Variants in RPH3A observed in about 807,000 individuals in gnomAD.
RPH3A encodes the protein rabphilin-3A.
A neutral mutation model predicts 102.2 loss-of-function variants in RPH3A; 48 were observed. That is an observed-to-expected ratio of 0.47 (90% CI 0.37 to 0.60). The LOEUF is 0.60. RPH3A is among the 20% of genes least tolerant of loss of function. The pLI, the probability that RPH3A is intolerant of heterozygous loss-of-function variation, is 0.00. For missense variants in RPH3A, 781 were observed against 910.1 expected, an observed-to-expected ratio of 0.86 and a Z score of 1.83; for synonymous variants, 310 against 324.3, an observed-to-expected ratio of 0.96 and a Z score of 0.47.
At chr12:112,865,298 C>A in intron 5 of RPH3A, 116 bp from the exon 6 acceptor site, 1 of 1,235,194 alleles carries the variant, frequency 8.1e-7, no homozygotes, top group Non-Finnish European at 1.1e-6. Context: ...CAACTGTCAT[C>A]AGACGCACAA....
intron 1 of RPH3A, among the ~76,000 whole-genome samples, chr12:112,744,164 C>T (rs1326997803): frequency 6.6e-6 from 1 of 152,100 alleles, no homozygotes; most frequent in Non-Finnish European, 1.5e-5. Flanking sequence ...AAACCTCTGT[C>T]TCCCAGGTTC....
intron 2 of RPH3A, among the ~76,000 whole-genome samples, chr12:112,795,792 G>A (rs1364480376): frequency 6.6e-6 from 1 of 152,184 alleles, no homozygotes; most frequent in East Asian, 1.9e-4. Flanking sequence ...TACAAAATGG[G>A]AATAAGAATG....
chr12:112,869,419 G>A (rs565251606), intron 8 of RPH3A: 17 of 238,502 alleles, frequency 7.1e-5, no homozygotes, highest in African/African-American at 3.6e-4. Flanking sequence ...ACTCCTTGCA[G>A]AGAATCACCA....
At chr12:112,768,047 A>G (rs1357432036) in intron 1 of RPH3A, among the ~76,000 whole-genome samples, 3 of 152,308 alleles carry the variant, frequency 2.0e-5, no homozygotes, top group East Asian at 1.9e-4. Context: ...TAACGGTTGT[A>G]CAATCTTGTA....
chr12:112,819,454 T>C (rs2041738629), intron 2 of RPH3A, among the ~76,000 whole-genome samples: 1 of 152,100 alleles, frequency 6.6e-6, no homozygotes, highest in Admixed American at 6.6e-5. Flanking sequence ...AAAACTTGCT[T>C]AGAGTCATGC....
intron 2 of RPH3A, among the ~76,000 whole-genome samples, chr12:112,821,104 A>C (rs1318752885): frequency 6.6e-6 from 1 of 152,174 alleles, no homozygotes; most frequent in East Asian, 1.9e-4. Flanking sequence ...CTGGATGTGT[A>C]AGGGCTGCTG....
intron 1 of RPH3A, among the ~76,000 whole-genome samples, chr12:112,738,955 G>A (rs2040688300): frequency 6.6e-6 from 1 of 152,170 alleles, no homozygotes; most frequent in African/African-American, 2.4e-5. Flanking sequence ...TAGGGTCGCA[G>A]TATGAGGTAG....
intron 1 of RPH3A, among the ~76,000 whole-genome samples, chr12:112,607,140 T>C (rs1247303627): frequency 2.0e-5 from 3 of 152,176 alleles, no homozygotes; most frequent in Admixed American, 2.0e-4. Context: ...TGCACCAAGA[T>C]CCCAGCTTGC....
intron 1 of RPH3A, among the ~76,000 whole-genome samples, chr12:112,700,885 C>A (rs899895445): frequency 2.6e-5 from 4 of 152,164 alleles, no homozygotes; most frequent in Non-Finnish European, 5.9e-5. Context: ...CAACCACCTT[C>A]TCTGGGCTGA....
chr12:112,877,304 T>G (rs2042819560), intron 13 of RPH3A, among the ~76,000 whole-genome samples: 1 of 152,140 alleles, frequency 6.6e-6, no homozygotes, highest in Non-Finnish European at 1.5e-5. Context: ...TTAATCATGA[T>G]TTAAAATTTA....
intron 10 of RPH3A, among the ~76,000 whole-genome samples, chr12:112,872,323 G>T (rs1043826549): frequency 6.6e-6 from 1 of 151,964 alleles, no homozygotes; most frequent in Non-Finnish European, 1.5e-5. Context: ...ATCTTTTCTT[G>T]TGCTTTTGGC....
intron 1 of RPH3A, among the ~76,000 whole-genome samples, chr12:112,586,873 A>T (rs1358437156): frequency 6.6e-6 from 1 of 152,216 alleles, no homozygotes; most frequent in East Asian, 1.9e-4. Context: ...ACACAATACC[A>T]TCTCCTATAT....
Position 112,578,194 on chromosome 12 carries a change from C to T in RPH3A, c.-140+2875C>T, listed in dbSNP as rs557856594. 2.9e-3 allele frequency among the ~76,000 whole-genome samples: 443 copies of T among 152,262 alleles called. 3 individuals are homozygous for T. The highest frequency in any genetic ancestry group is 9.8e-3 in the African/African-American group (408 of 41,558). On this transcript the variant is annotated intron_variant, in intron 1 of 21. Coordinates refer to the RPH3A transcript ENST00000543106. Reference sequence around the variant, plus strand: ...AAATGGGCCCAGCATGAGACAGTTTCAAACAGTGCAGCTTTTTATTATGCA... The same window carrying T: ...AAATGGGCCCAGCATGAGACAGTTTTAAACAGTGCAGCTTTTTATTATGCA...
intron 1 of RPH3A, among the ~76,000 whole-genome samples, chr12:112,669,666 A>G (rs1592934805): frequency 6.6e-6 from 1 of 152,244 alleles, no homozygotes; most frequent in East Asian, 1.9e-4. Flanking sequence ...CATATTTTCT[A>G]GAGCATACAC....
At chr12:112,610,054 T>C (rs990142601) in intron 1 of RPH3A, among the ~76,000 whole-genome samples, 1 of 152,194 alleles carries the variant, frequency 6.6e-6, no homozygotes, top group Admixed American at 6.5e-5. Flanking sequence ...CCATCTCATC[T>C]TTTCCTGCTT....
intron 1 of RPH3A, among the ~76,000 whole-genome samples, chr12:112,649,188 G>T (rs986331842): frequency 2.6e-5 from 4 of 152,248 alleles, no homozygotes; most frequent in Admixed American, 6.5e-5. Flanking sequence ...TCTCTTGGTA[G>T]ACTTCAGATA....
At chr12:112,796,508 A>G (rs1382861605) in intron 2 of RPH3A, among the ~76,000 whole-genome samples, 1 of 152,206 alleles carries the variant, frequency 6.6e-6, no homozygotes, top group Non-Finnish European at 1.5e-5. Flanking sequence ...ACTAGCGAAC[A>G]TGTCAGTTTG....
intron 3 of RPH3A, among the ~76,000 whole-genome samples, chr12:112,834,070 A>G (rs2042012706): frequency 6.6e-6 from 1 of 152,202 alleles, no homozygotes; most frequent in Non-Finnish European, 1.5e-5. Context: ...TAATCAAGAT[A>G]ATGGACATAT....
intron 1 of RPH3A, among the ~76,000 whole-genome samples, chr12:112,659,862 C>A (rs1464397359): frequency 6.6e-6 from 1 of 152,122 alleles, no homozygotes; most frequent in Non-Finnish European, 1.5e-5. Flanking sequence ...TCGGGTGCCC[C>A]TTTGCTTTCT....
Sources: allele counts gnomAD v4.1 joint callset (sites outside exome capture counted in the v4.1 genomes callset), GRCh38; gene constraint gnomAD v4.1.1; transcripts MANE v1.5; gene names NCBI Gene and HGNC (gene_info 2026-07-23, HGNC 2026-07-21).